Variants in PRUNE1 observed in about 807,000 individuals in gnomAD.
PRUNE1 encodes exopolyphosphatase PRUNE1.
A neutral mutation model predicts 42.5 loss-of-function variants in PRUNE1; 25 were observed. The observed-to-expected ratio is 0.59, with a 90% confidence interval of 0.43 to 0.82. The LOEUF (loss-of-function observed/expected upper bound fraction) is 0.82. Ranked by LOEUF, PRUNE1 falls within the 40% of genes least tolerant of loss-of-function variation. The pLI is 0.00. For missense variants in PRUNE1, 443 were observed against 539.3 expected (o/e 0.82, Z 1.77); for synonymous variants, 203 against 217.1 (o/e 0.93, Z 0.57).
chr1:151,008,585 G>T lies in PRUNE1; in HGVS notation c.-48G>T. 1 of 1,610,062 alleles carries T rather than the reference G, an allele frequency of 6.2e-7. No homozygotes were observed. Among genetic ancestry groups the T allele is most frequent in the Non-Finnish European group, 8.5e-7 (1 of 1,176,376 alleles). ...CGTCGGGGAAACCTCTCCTCGACCA[G>T]GGGCACCTCTACTCGACCAGGGGCG... On this transcript the variant is annotated 5_prime_UTR_variant, in exon 1 of 8. In the 5' UTR this introduces an upstream ATG that the reference lacks. Transcript: ENST00000271620.
intron 7 of PRUNE1, among the ~76,000 whole-genome samples, chr1:151,029,596 T>G (rs587711971): frequency 6.6e-6 from 1 of 151,728 alleles, no homozygotes; most frequent in South Asian, 2.1e-4. Flanking sequence ...CTCGATCTCC[T>G]GACCTCGTGA....
At chr1:151,025,081 T>G (rs922302294) in intron 4 of PRUNE1, among the ~76,000 whole-genome samples, 2 of 152,070 alleles carry the variant, frequency 1.3e-5, no homozygotes, top group Non-Finnish European at 2.9e-5. Context: ...GGAAACAGAT[T>G]CCAATACCAA....
Position 151,008,489 on chromosome 1 carries a change from G to T in PRUNE1, c.-144G>T. 4.9e-6 allele frequency: 6 copies of T among 1,232,368 alleles called. No individual in the cohort carries two copies. The highest frequency in any genetic ancestry group is 2.3e-5 in the East Asian group (1 of 42,656). 76.3% of individuals were successfully genotyped at this position (1,232,368 alleles called of 1,614,324 possible). A position where few individuals can be genotyped will look rare whatever the true frequency, so the allele number is the denominator to read the frequency against. On this transcript the variant is annotated 5_prime_UTR_variant, in exon 1 of 8. Transcript: ENST00000271620. ...TCCTCCCGGGGTCGGAGGCCGATTC[G>T]CCGTGTGGCGGGTTCGAGTCCCGCC...
At chr1:151,020,905 C>T (rs1263751695) in intron 3 of PRUNE1, among the ~76,000 whole-genome samples, 2 of 151,744 alleles carry the variant, frequency 1.3e-5, no homozygotes, top group Non-Finnish European at 2.9e-5. Flanking sequence ...TGGCATGAAC[C>T]CGGGAGGCGG....
intron 1 of PRUNE1, among the ~76,000 whole-genome samples, chr1:151,016,503 TTTTA>T (rs1275642461): frequency 1.3e-5 from 2 of 152,078 alleles, no homozygotes; most frequent in African/African-American, 4.8e-5. Context: ...GTATATTTTA[TTTTA>T]TTTATTTATT....
intron 3 of PRUNE1, among the ~76,000 whole-genome samples, chr1:151,021,271 C>A (rs1469236636): frequency 6.6e-6 from 1 of 151,622 alleles, no homozygotes; most frequent in Non-Finnish European, 1.5e-5. Context: ...GCCTGACCAA[C>A]ATGGAGAAAC....
chr1:151,031,199 T>G (rs1675227273), intron 7 of PRUNE1, among the ~76,000 whole-genome samples: 1 of 150,260 alleles, frequency 6.7e-6, no homozygotes, highest in Admixed American at 6.6e-5. Context: ...GTGTGTTTTT[T>G]TTTTTTTTTG....
At chr1:151,033,686 C>T (rs587612685) in intron 7 of PRUNE1, 120 bp from the exon 8 acceptor site, 37 of 1,006,010 alleles carry the variant, frequency 3.7e-5, no homozygotes, top group South Asian at 4.8e-5. Flanking sequence ...CACCGCACCC[C>T]GCCCGGCCGA....
At chr1:151,020,707 C>T (rs769187030) in intron 3 of PRUNE1, among the ~76,000 whole-genome samples, 5 of 151,684 alleles carry the variant, frequency 3.3e-5, no homozygotes, top group African/African-American at 7.3e-5. Flanking sequence ...TCAGGCCAGG[C>T]GCGGTGGCTC....
intron 3 of PRUNE1, 145 bp downstream of exon 3, chr1:151,018,814 G>A (rs1323681604): frequency 1.5e-5 from 10 of 656,390 alleles, no homozygotes; most frequent in Non-Finnish European, 2.5e-5. Flanking sequence ...AGGCCAAGGC[G>A]GGCGGATCAC....
At chr1:151,027,348 T>A in intron 6 of PRUNE1, 21 bp downstream of exon 6, 1 of 1,553,840 alleles carries the variant, frequency 6.4e-7, no homozygotes, top group Non-Finnish European at 8.9e-7. Flanking sequence ...GTTGTGGCTG[T>A]GGGTGGGGAG....
chr1:151,008,901 TG>T (rs1439690676), intron 1 of PRUNE1: 2 of 678,338 alleles, frequency 2.9e-6, no homozygotes, highest in South Asian at 3.0e-5. Context: ...TCCCCGCCTT[TG>T]GGGTCCGCCT....
intron 1 of PRUNE1, 120 bp downstream of exon 1, chr1:151,008,791 G>C (rs2305813): frequency 0.11 from 133,843 of 1,252,930 alleles, 9,664 homozygotes; most frequent in Admixed American, 0.18. Context: ...TGTGGGGAGG[G>C]GGGTTGGGGC....
intron 1 of PRUNE1, among the ~76,000 whole-genome samples, chr1:151,015,514 A>C (rs1400295226): frequency 6.6e-6 from 1 of 151,230 alleles, no homozygotes; most frequent in African/African-American, 2.4e-5. Flanking sequence ...TGTGCCTGTA[A>C]TCCCAGCTAC....
rs2102952319 is a variant in PRUNE1 at position 151,035,123 on chromosome 1, A to G, written c.*889A>G. The G allele has an allele frequency of 6.6e-6, 1 of 152,318 alleles. No homozygotes were observed. Among genetic ancestry groups the G allele is most frequent in the East Asian group, 1.9e-4 (1 of 5,186 alleles). 9.4% of individuals were successfully genotyped at this position (152,318 alleles called of 1,614,324 possible). A position where few individuals can be genotyped will look rare whatever the true frequency, so the allele number is the denominator to read the frequency against. On this transcript the variant is annotated 3_prime_UTR_variant, in exon 8 of 8. Transcript: ENST00000271620. ...GGAAGCATGGAGTTCTAATGCTCCC[A>G]TAAACTATGTATTTTGGCAAGACAC...
chr1:151,021,133 T>C (rs1282058104), intron 3 of PRUNE1, among the ~76,000 whole-genome samples: 7 of 119,950 alleles, frequency 5.8e-5, no homozygotes, highest in African/African-American at 2.4e-4. Context: ...AGCGACAGAG[T>C]GATGCTCTGT....
chr1:151,027,657 C>T lies in PRUNE1; in HGVS notation c.774+330C>T, dbSNP rs2102933843. ...AGTACAGTGGTACCATCATGGCTCACTGCAGCCTCAACCTTCCAGGCTCAA... is the reference window on the plus strand; with the variant it reads ...AGTACAGTGGTACCATCATGGCTCATTGCAGCCTCAACCTTCCAGGCTCAA... On this transcript the variant is annotated intron_variant, in intron 6 of 7. Coordinates refer to ENST00000271620, the MANE Select transcript of PRUNE1 (RefSeq NM_021222.3). Among the ~76,000 whole-genome samples the T allele has an allele frequency of 1.3e-5, 2 of 149,890 alleles. 1 individual carries two copies. The highest frequency in any genetic ancestry group is 1.3e-4 in the Admixed American group (2 of 14,934).
intron 1 of PRUNE1, among the ~76,000 whole-genome samples, chr1:151,012,063 C>A (rs1381774722): frequency 6.6e-6 from 1 of 151,982 alleles, no homozygotes; most frequent in African/African-American, 2.4e-5. Context: ...AGGCGTGAGC[C>A]ACCGTGCCTG....
In PRUNE1 at chr1:151,027,279, T is replaced by C. The variant is rs751520378; in HGVS notation, c.726T>C (p.Tyr242=). The change falls in exon 6 of 8, where the codon TAT becomes TAC. Residue 242 remains tyrosine, a synonymous_variant. Transcript: ENST00000271620. The stretch of plus-strand genomic sequence containing the variant: ...TGAGAAAAGACCAGAAGACTATCTA[T>C]AGACAAGGCGTCAAGGTGGCCATTA... ...QMLRKDQKTI[Y]RQGVKVAISA... is the part of the protein sequence containing the mutation. 2.7e-5 allele frequency: 44 copies of C among 1,611,892 alleles called. 1 individual carries two copies. In the South Asian group the frequency reaches 4.4e-4, roughly 16 times the overall value.
Sources: allele counts gnomAD v4.1 joint callset (sites outside exome capture counted in the v4.1 genomes callset), GRCh38; gene constraint gnomAD v4.1.1; transcripts MANE v1.5; gene names NCBI Gene and HGNC (gene_info 2026-07-23, HGNC 2026-07-21).